VRK2: variants seen among roughly 807,000 people sequenced by gnomAD.
VRK2 encodes the protein serine/threonine-protein kinase VRK2.
A neutral mutation model predicts 57.6 loss-of-function variants in VRK2; 60 were observed. The ratio of observed to expected loss-of-function variants is 1.04; its 90% CI spans 0.85 to 1.29. The LOEUF is 1.29. Among genes scored for constraint, VRK2 ranks in the 50% most tolerant of loss-of-function variants. The pLI is 0.00. For synonymous variants in VRK2, 231 were observed against 199.2 expected (o/e 1.16, Z -1.35); for missense variants, 705 against 588.1 (o/e 1.20, Z -2.06).
intron 1 of VRK2, among the ~76,000 whole-genome samples, chr2:58,017,698 C>T (rs571782656): frequency 6.6e-6 from 1 of 152,070 alleles, no homozygotes; most frequent in African/African-American, 2.4e-5. Flanking sequence ...TCTTTGCTTT[C>T]CCAAAGCACT....
chr2:57,974,532 C>A (rs1672189537), intron 1 of VRK2, among the ~76,000 whole-genome samples: 1 of 151,650 alleles, frequency 6.6e-6, no homozygotes, highest in African/African-American at 2.4e-5. Context: ...AATTATAAAT[C>A]TAGTCTCATA....
chr2:58,084,782 T>C lies in VRK2; in HGVS notation c.187-99T>C, dbSNP rs1054423867. 3.3e-5 allele frequency: 26 copies of C among 784,466 alleles called. No individual in the cohort carries two copies. In the African/African-American group the frequency reaches 4.6e-4, roughly 14 times the overall value. 48.6% of individuals were successfully genotyped at this position (784,466 alleles called of 1,614,324 possible). On this transcript the variant is annotated intron_variant, in intron 3 of 12. Coordinates refer to ENST00000340157, the MANE Select transcript of VRK2 (RefSeq NM_006296.7). ...ATAAAAAGTGATTCAAGTACTATTA[T>C]ATACTACATATATATGTTCATATTT...
chr2:58,094,407 A>G (rs932544574), intron 7 of VRK2, among the ~76,000 whole-genome samples: 1 of 152,010 alleles, frequency 6.6e-6, no homozygotes, highest in African/African-American at 2.4e-5. Context: ...ATTCCTAGGT[A>G]TTTTATTCTC....
At chr2:58,030,615 C>T (rs1674082880) in intron 2 of VRK2, among the ~76,000 whole-genome samples, 1 of 152,014 alleles carries the variant, frequency 6.6e-6, no homozygotes, top group African/African-American at 2.4e-5. Flanking sequence ...AGCAAATATA[C>T]TAGCTTGAAA....
At chr2:58,046,036 G>C (rs903133533), upstream of VRK2, among the ~76,000 whole-genome samples, 5 of 152,034 alleles carry the variant, frequency 3.3e-5, no homozygotes, top group African/African-American at 1.2e-4. Context: ...GTAGAGATAG[G>C]GTTTCACCAT....
At chr2:58,132,175 A>G (rs1335394829) in intron 9 of VRK2, among the ~76,000 whole-genome samples, 1 of 152,242 alleles carries the variant, frequency 6.6e-6, no homozygotes, top group Non-Finnish European at 1.5e-5. Context: ...GTTCTTTTAC[A>G]TGGTATTTCC....
chr2:57,935,985 G>T (rs998905377), intron 1 of VRK2, among the ~76,000 whole-genome samples: 1 of 152,136 alleles, frequency 6.6e-6, no homozygotes, highest in Non-Finnish European at 1.5e-5. Flanking sequence ...TTTTAGATGG[G>T]TCATTCTCAA....
intron 1 of VRK2, among the ~76,000 whole-genome samples, chr2:57,953,942 G>A (rs1671504529): frequency 6.6e-6 from 1 of 152,184 alleles, no homozygotes; most frequent in East Asian, 1.9e-4. Context: ...TAAGATAACA[G>A]CTTGAATTCG....
chr2:58,076,294 C>T (rs1670100270), intron 2 of VRK2, among the ~76,000 whole-genome samples: 1 of 151,978 alleles, frequency 6.6e-6, no homozygotes, highest in Non-Finnish European at 1.5e-5. Flanking sequence ...TACTAAACAT[C>T]ATAGTTTACC....
chr2:58,005,467 A>T (rs1673214298), intron 1 of VRK2, among the ~76,000 whole-genome samples: 1 of 152,058 alleles, frequency 6.6e-6, no homozygotes, highest in African/African-American at 2.4e-5. Flanking sequence ...TATTTTTATA[A>T]AATTTGGATT....
At chr2:58,139,547 A>T in intron 10 of VRK2, 119 bp from the exon 11 acceptor site, 2 of 802,922 alleles carry the variant, frequency 2.5e-6, no homozygotes, top group Non-Finnish European at 3.9e-6. Context: ...GTTCATTTTT[A>T]GTTTCTTCAG....
chr2:58,154,865 T>G (rs1683558941), intron 12 of VRK2: 1 of 647,486 alleles, frequency 1.5e-6, no homozygotes, highest in East Asian at 2.7e-5. Flanking sequence ...TGTAAATATT[T>G]ATACATTTCA....
At chr2:58,131,149 A>G (rs865855443) in intron 8 of VRK2, among the ~76,000 whole-genome samples, 13 of 151,952 alleles carry the variant, frequency 8.6e-5, no homozygotes, top group Non-Finnish European at 1.5e-4. Flanking sequence ...TTATATAGAT[A>G]TGGGACCAGA....
intron 7 of VRK2, among the ~76,000 whole-genome samples, chr2:58,100,775 A>C (rs1476553775): frequency 6.6e-6 from 1 of 151,702 alleles, no homozygotes; most frequent in Non-Finnish European, 1.5e-5. Flanking sequence ...AACTGTTTTA[A>C]GGTTCTCTCA....
At chr2:58,002,261 G>A (rs774124771) in intron 1 of VRK2, among the ~76,000 whole-genome samples, 1 of 152,122 alleles carries the variant, frequency 6.6e-6, no homozygotes, top group Admixed American at 6.5e-5. Context: ...CGGATCACCC[G>A]ATGTCAGGAG....
At chr2:58,091,703 A>T (rs1358183187) in intron 7 of VRK2, among the ~76,000 whole-genome samples, 1 of 152,122 alleles carries the variant, frequency 6.6e-6, no homozygotes, top group Non-Finnish European at 1.5e-5. Context: ...CTAAAAAAAA[A>T]ATTAAGAAAA....
intron 1 of VRK2, among the ~76,000 whole-genome samples, chr2:57,963,332 A>G (rs1558515120): frequency 6.6e-6 from 1 of 152,226 alleles, no homozygotes; most frequent in African/African-American, 2.4e-5. Flanking sequence ...ATTCCCTCTC[A>G]AAAGCATATT....
chr2:58,026,899 T>C (rs1673945912), intron 2 of VRK2: 1 of 151,354 alleles, frequency 6.6e-6, no homozygotes. Flanking sequence ...CTTTTTTTTT[T>C]TTGTTTGTTT....
At chr2:58,047,310 C>T (rs1169427215) in intron 1 of VRK2, 1 of 565,344 alleles carries the variant, frequency 1.8e-6, no homozygotes, top group Non-Finnish European at 2.2e-6. Context: ...AGCCCAGGCA[C>T]ATGTTAACCC....
Sources: gnomAD v4.1 joint callset for allele counts (sites outside exome capture counted in the v4.1 genomes callset) on GRCh38, gnomAD v4.1.1 for gene constraint, MANE v1.5 for transcripts, NCBI Gene and HGNC (gene_info 2026-07-23, HGNC 2026-07-21) for gene names.